Variants in BCL7C observed in about 807,000 individuals in gnomAD.
BCL7C encodes the protein B-cell CLL/lymphoma 7 protein family member C.
BCL7C carries 8 observed loss-of-function variants against 26.2 expected under a neutral mutation model. The ratio of observed to expected loss-of-function variants is 0.30; its 90% confidence interval spans 0.18 to 0.55. The LOEUF (loss-of-function observed/expected upper bound fraction) is 0.55. Ranked by LOEUF, BCL7C falls within the 20% of genes least tolerant of loss-of-function variation. The pLI, the probability that BCL7C is intolerant of heterozygous loss-of-function variation, is 0.93. For missense variants in BCL7C, 262 were observed against 298.5 expected, an observed-to-expected ratio of 0.88 and a Z score of 0.90; for synonymous variants, 90 against 116.5, an observed-to-expected ratio of 0.77 and a Z score of 1.47.
At chr16:30,839,453 A>C (rs1317488340) in intron 5 of BCL7C, among the ~76,000 whole-genome samples, 3 of 152,244 alleles carry the variant, frequency 2.0e-5, no homozygotes, top group South Asian at 2.1e-4. Flanking sequence ...AGGATTTGGC[A>C]GATGTAATTA....
chr16:30,836,826 C>A (rs2054572417), intron 5 of BCL7C, among the ~76,000 whole-genome samples: 1 of 150,844 alleles, frequency 6.6e-6, no homozygotes, highest in Non-Finnish European at 1.5e-5. Context: ...CAGAGTCTTG[C>A]TCTGTCACCC....
chr16:30,848,692 C>T (rs1186102808), intron 5 of BCL7C, among the ~76,000 whole-genome samples: 3 of 151,618 alleles, frequency 2.0e-5, no homozygotes, highest in Admixed American at 6.6e-5. Context: ...GAGTTCAAGA[C>T]CAGCCTGGCC....
intron 5 of BCL7C, among the ~76,000 whole-genome samples, chr16:30,874,040 G>A (rs1473955150): frequency 2.1e-5 from 3 of 145,522 alleles, no homozygotes; most frequent in Non-Finnish European, 4.5e-5. Flanking sequence ...CTGTGGCCCA[G>A]GCTAGAGTGC....
At chr16:30,837,232 T>G (rs893229060) in intron 5 of BCL7C, among the ~76,000 whole-genome samples, 1 of 152,186 alleles carries the variant, frequency 6.6e-6, no homozygotes, top group African/African-American at 2.4e-5. Context: ...CCAGGAGTTC[T>G]TGGAGGGTAG....
At chr16:30,885,012 C>T (rs2055109766), downstream of BCL7C, among the ~76,000 whole-genome samples, 1 of 152,202 alleles carries the variant, frequency 6.6e-6, no homozygotes, top group African/African-American at 2.4e-5. Flanking sequence ...GAGGTGGCCA[C>T]ACACCCAGCA....
intron 5 of BCL7C, among the ~76,000 whole-genome samples, chr16:30,868,809 A>G (rs1479835552): frequency 6.6e-6 from 1 of 151,992 alleles, no homozygotes; most frequent in African/African-American, 2.4e-5. Context: ...AACAACAGCA[A>G]CAACAAAGAA....
downstream of BCL7C, among the ~76,000 whole-genome samples, chr16:30,885,091 T>C (rs1205295350): frequency 6.6e-6 from 1 of 152,212 alleles, no homozygotes; most frequent in African/African-American, 2.4e-5. Flanking sequence ...AATCTGTGCA[T>C]GTGTTGCTTT....
downstream of BCL7C, among the ~76,000 whole-genome samples, chr16:30,885,262 G>C (rs1166042976): frequency 6.6e-6 from 1 of 152,168 alleles, no homozygotes; most frequent in Non-Finnish European, 1.5e-5. Flanking sequence ...ATTGGAAGAT[G>C]CTACACTGCA....
At chr16:30,880,232 C>T (rs896669632) in intron 5 of BCL7C, among the ~76,000 whole-genome samples, 1 of 151,958 alleles carries the variant, frequency 6.6e-6, no homozygotes, top group African/African-American at 2.4e-5. Flanking sequence ...ACCTGTAATC[C>T]CAGCACTTTG....
chr16:30,859,508 C>T (rs1367602571), intron 5 of BCL7C, among the ~76,000 whole-genome samples: 2 of 152,172 alleles, frequency 1.3e-5, no homozygotes, highest in South Asian at 2.1e-4. Flanking sequence ...TGCATGTATA[C>T]ATCCAGATGG....
intron 5 of BCL7C, among the ~76,000 whole-genome samples, chr16:30,836,022 G>C (rs190408895): frequency 6.6e-6 from 1 of 151,918 alleles, no homozygotes; most frequent in Non-Finnish European, 1.5e-5. Flanking sequence ...GGAGGCTGAG[G>C]TGGGCGGATC....
chr16:30,833,771 C>G (rs2054554834), exon 6 of BCL7C: 1 of 152,186 alleles, frequency 6.6e-6, no homozygotes, highest in African/African-American at 2.4e-5. Flanking sequence ...TGACTTTCAT[C>G]CCAGGGAGTA....
At chr16:30,864,182 GTGT>G (rs2054802356) in intron 5 of BCL7C, among the ~76,000 whole-genome samples, 1 of 152,148 alleles carries the variant, frequency 6.6e-6, no homozygotes, top group Admixed American at 6.6e-5. Flanking sequence ...TAAATGAAGA[GTGT>G]TGTTTTTTCC....
intron 5 of BCL7C, among the ~76,000 whole-genome samples, 168 bp from the exon 6 acceptor site, chr16:30,888,158 A>G (rs1304351095): frequency 1.3e-5 from 2 of 152,164 alleles, no homozygotes; most frequent in Non-Finnish European, 2.9e-5. Flanking sequence ...AACAACAACG[A>G]CAGTGACACT....
At chr16:30,865,172 CAAA>C (rs529882511) in intron 5 of BCL7C, among the ~76,000 whole-genome samples, 3 of 40,828 alleles carry the variant, frequency 7.3e-5, no homozygotes, top group Admixed American at 2.9e-4. Flanking sequence ...ACCTCCAACT[CAAA>C]AAAAAAAAAA....
At chr16:30,892,247 G>A (rs2055252513) in intron 4 of BCL7C, among the ~76,000 whole-genome samples, 1 of 129,780 alleles carries the variant, frequency 7.7e-6, no homozygotes, top group Admixed American at 9.2e-5. Context: ...CTCCAGCCTG[G>A]GTGACAGAGC....
chr16:30,876,869 A>G (rs1203147464), intron 5 of BCL7C, among the ~76,000 whole-genome samples: 2 of 152,172 alleles, frequency 1.3e-5, no homozygotes, highest in Admixed American at 1.3e-4. Flanking sequence ...GGGCTTTTCT[A>G]CCATAAGGAA....
intron 4 of BCL7C, among the ~76,000 whole-genome samples, chr16:30,890,971 A>C (rs2055217901): frequency 1.3e-5 from 2 of 151,870 alleles, no homozygotes; most frequent in African/African-American, 4.8e-5. Context: ...GGCAACAAGA[A>C]TGAAACTCTG....
intron 5 of BCL7C, among the ~76,000 whole-genome samples, chr16:30,876,697 A>G (rs1056347081): frequency 3.9e-5 from 6 of 152,146 alleles, no homozygotes; most frequent in Non-Finnish European, 5.9e-5. Flanking sequence ...CTGAGATAAG[A>G]GAGAGAAGGG....
Sources: gnomAD v4.1 joint callset for allele counts (sites outside exome capture counted in the v4.1 genomes callset) on GRCh38, gnomAD v4.1.1 for gene constraint, MANE v1.5 for transcripts, NCBI Gene and HGNC (gene_info 2026-07-23, HGNC 2026-07-21) for gene names.